Variants in CDK20 observed in about 807,000 individuals in gnomAD.
CDK20 encodes cyclin dependent kinase 20.
A neutral mutation model predicts 38.6 loss-of-function variants in CDK20; 40 were observed. The ratio of observed to expected loss-of-function variants is 1.04; its 90% CI spans 0.81 to 1.35. The LOEUF (loss-of-function observed/expected upper bound fraction) is 1.35, where lower values mean the gene tolerates loss of function less well. Ranked by LOEUF, CDK20 falls within the 40% of genes most tolerant of loss-of-function variation. CDK20 has a pLI of 0.00. For missense variants in CDK20, 512 were observed against 452.6 expected (o/e 1.13, Z -1.19); for synonymous variants, 209 against 185.7 (o/e 1.13, Z -1.02).
rs1416947232 is a variant in CDK20 at position 87,971,310 on chromosome 9, G to A, written c.215C>T (p.Pro72Leu). 2 of 1,613,392 alleles carry A rather than the reference G, an allele frequency of 1.2e-6. No homozygotes were observed. The highest frequency in any genetic ancestry group is 1.7e-6 in the Non-Finnish European group (2 of 1,179,744). Residue 72 changes from proline to leucine, a missense_variant, in exon 3 of 8, where the codon CCA becomes CTA. Pro to Leu is a moderately conservative substitution (Grantham distance 98, BLOSUM62 -3). Coordinates refer to ENST00000325303, the MANE Select transcript of CDK20 (RefSeq NM_001039803.3). ...GGCCAGCACAAAGCCTCCACCGTGT[G>A]GGAACACAGCCTTCAGTTGTACCAC... ...QYVVQLKAVF[P>L]HGGGFVLAFE... is the part of the protein sequence containing the mutation.
chr9:87,973,433 T>A (rs1402129926), intron 2 of CDK20, among the ~76,000 whole-genome samples: 12 of 133,440 alleles, frequency 9.0e-5, no homozygotes, highest in Non-Finnish European at 1.7e-4. Flanking sequence ...AAGAATGGAC[T>A]CTCAATCAAA....
chr9:87,973,876 C>G (rs1457168681), intron 2 of CDK20, 46 bp downstream of exon 2: 3 of 1,580,152 alleles, frequency 1.9e-6, no homozygotes, highest in Non-Finnish European at 2.6e-6. Flanking sequence ...GAAGTGGGAA[C>G]GAGCGACTGA....
In CDK20 at chr9:87,970,850, C is replaced by A. The variant is rs563239873; in HGVS notation, c.426G>T (p.Lys142Asn). ...NLLISASGQL[K>N]IADFGLARVF... is the part of the protein sequence containing the mutation. ...CTCGAGCCAGGCCAAAGTCCGCTAT[C>A]TTGAGCTGGCCTGAGGCGCTGATGA... The change falls in exon 4 of 8, where the codon AAG (lysine) becomes AAT (asparagine). Residue 142 changes from lysine (K) to asparagine (N), a missense_variant. By Grantham distance (94) the Lys-to-Asn change is moderately conservative (BLOSUM62 0). Coordinates refer to ENST00000325303, the MANE Select transcript of CDK20 (RefSeq NM_001039803.3). 28 of 1,614,104 alleles carry A rather than the reference C, an allele frequency of 1.7e-5. No individual in the cohort carries two copies. The highest frequency in any genetic ancestry group is 2.1e-5 in the Non-Finnish European group (25 of 1,180,044).
At chr9:87,971,388 T>C in intron 2 of CDK20, 53 bp from the exon 3 acceptor site, 1 of 1,523,326 alleles carries the variant, frequency 6.6e-7, no homozygotes, top group Non-Finnish European at 8.9e-7. Flanking sequence ...AGACCCTCTC[T>C]GTGACCCTGA....
In CDK20 at chr9:87,967,309, G is replaced by A. The variant is rs3750492; in HGVS notation, c.*153C>T. 21,263 of 788,320 alleles carry A rather than the reference G, an allele frequency of 0.027. 1,948 individuals are homozygous for A. Among genetic ancestry groups the A allele is most frequent in the East Asian group, 0.23 (8,447 of 37,500 alleles). 48.8% of individuals were successfully genotyped at this position (788,320 alleles called of 1,614,324 possible). A position where few individuals can be genotyped will look rare whatever the true frequency, so the allele number is the denominator to read the frequency against. On this transcript the variant is annotated 3_prime_UTR_variant, in exon 8 of 8. Coordinates refer to ENST00000325303, the MANE Select transcript of CDK20 (RefSeq NM_001039803.3). ...TGGCTGGGAACATGACCTCTGCCTCGAGACCAACCCTCGCAAGGGCTAAGG... is the reference window on the plus strand; with the variant it reads ...TGGCTGGGAACATGACCTCTGCCTCAAGACCAACCCTCGCAAGGGCTAAGG...
intron 2 of CDK20, among the ~76,000 whole-genome samples, chr9:87,973,126 A>G (rs1038422124): frequency 1.3e-5 from 2 of 152,202 alleles, no homozygotes; most frequent in African/African-American, 4.8e-5. Flanking sequence ...TATCATGCAT[A>G]TCTCCAGATC....
chr9:87,974,216 C>T (rs1830070727), intron 1 of CDK20, 156 bp downstream of exon 1: 1 of 1,240,436 alleles, frequency 8.1e-7, no homozygotes, highest in South Asian at 1.4e-5. Context: ...GCCAGCTGTG[C>T]GGAGGGAAGC....
intron 1 of CDK20, 47 bp from the exon 2 acceptor site, chr9:87,974,082 A>G: frequency 1.2e-6 from 2 of 1,612,394 alleles, no homozygotes; most frequent in Non-Finnish European, 1.7e-6. Flanking sequence ...CGGCTGGGAA[A>G]GAGAGATGAA....
chr9:87,967,471 C>T lies in CDK20; in HGVS notation c.1032G>A (p.Leu344=). 1.9e-6 allele frequency: 3 copies of T among 1,554,298 alleles called. No homozygotes were observed. Among genetic ancestry groups the T allele is most frequent in the Non-Finnish European group, 2.6e-6 (3 of 1,148,582 alleles). ...GACCAGGGCCAACTTCTCACCCCTC[C>T]AGGATGAAGGGCCGAATCAGCTCTG... ...LNPELIRPFI[L]EG Residue 344 remains leucine (L), a synonymous_variant, in exon 8 of 8, where the codon CTG becomes CTA. Coordinates refer to ENST00000325303, the MANE Select transcript of CDK20 (RefSeq NM_001039803.3).
At chr9:87,974,263 T>A in intron 1 of CDK20, 109 bp downstream of exon 1, 1 of 1,301,166 alleles carries the variant, frequency 7.7e-7, no homozygotes. Context: ...ATGAGTAGGT[T>A]TTAAAAACTG....
At chr9:87,969,413 C>T (rs1219429437) in intron 6 of CDK20, 64 bp from the exon 7 acceptor site, 11 of 1,548,474 alleles carry the variant, frequency 7.1e-6, no homozygotes, top group Non-Finnish European at 9.7e-6. Flanking sequence ...ATGCTCTCTG[C>T]TGTCAACTCT....
rs748890170 is a variant in CDK20, at chr9:87,973,954, T to C, written c.157A>G (p.Lys53Glu). The change falls in exon 2 of 8, where the codon AAG becomes GAG. Residue 53 changes from lysine to glutamate, a missense_variant. Lys to Glu is a moderately conservative substitution (Grantham distance 56). Transcript: ENST00000325303. ...GFPNQALREI[K>E]ALQEMEDNQY... ...TTGTCCTCCATCTCCTGCAGAGCCTTAATCTCCCGCAGGGCCTGGTTAGGG... is the reference window on the plus strand; with the variant it reads ...TTGTCCTCCATCTCCTGCAGAGCCTCAATCTCCCGCAGGGCCTGGTTAGGG... 2 of 1,613,992 alleles carry C rather than the reference T, an allele frequency of 1.2e-6. No individual in the cohort carries two copies. The highest frequency in any genetic ancestry group is 8.5e-7 in the Non-Finnish European group (1 of 1,179,992).
chr9:87,970,492 A>G (rs1488396756), intron 5 of CDK20, 76 bp downstream of exon 5: 1 of 1,379,636 alleles, frequency 7.2e-7, no homozygotes, highest in Non-Finnish European at 1.0e-6. Flanking sequence ...AAAGACCACC[A>G]AACAGCTCAG....
At chr9:87,970,175 A>G (rs1488283957) in intron 5 of CDK20, 1 of 453,284 alleles carries the variant, frequency 2.2e-6, no homozygotes, top group Non-Finnish European at 3.9e-6. Context: ...CCTGCCCCAA[A>G]TCTCAGACCC....
In CDK20 at chr9:87,974,052, A is replaced by C; in HGVS notation, c.76-17T>G. On this transcript the variant is annotated splice_polypyrimidine_tract_variant and intron_variant, in intron 1 of 7. Transcript: ENST00000325303. ...CTCGCCAGTCTGCAGGATAGAAGGC[A>C]GACACTGCCAGCCCACCCTCGGCTG... is the stretch of plus-strand genomic sequence containing the variant. 6.2e-7 allele frequency: 1 copy of C among 1,613,966 alleles called. No homozygotes were observed. Among genetic ancestry groups the C allele is most frequent in the Non-Finnish European group, 8.5e-7 (1 of 1,180,028 alleles).
chr9:87,974,191 G>A, intron 1 of CDK20, 156 bp from the exon 2 acceptor site: 2 of 1,366,190 alleles, frequency 1.5e-6, no homozygotes, highest in Non-Finnish European at 2.0e-6. Flanking sequence ...CCCAGCCGCT[G>A]GGGTAGGGGA....
chr9:87,971,382 C>T (rs201362348), intron 2 of CDK20, 47 bp from the exon 3 acceptor site: 395 of 1,546,146 alleles, frequency 2.6e-4, no homozygotes, highest in Non-Finnish European at 3.3e-4. Flanking sequence ...GTCACCAGAC[C>T]CTCTCTGTGA....
chr9:87,974,136 G>A (rs1243065679), intron 1 of CDK20, 101 bp from the exon 2 acceptor site: 40 of 1,579,390 alleles, frequency 2.5e-5, no homozygotes, highest in Admixed American at 5.1e-5. Flanking sequence ...ACGCGCCCCC[G>A]GCTCGGCCAG....
In CDK20 at chr9:87,969,863, T is replaced by C. The variant is rs531734804; in HGVS notation, c.620A>G (p.Lys207Arg). ...LLNGSPLFPG[K>R]NDIEQLCYVL... ...ATAGCAAAGCTGTTCAATATCGTTCTTGCCCGGGAAAAGGGGGGACCCATT... is the reference window on the plus strand; with the variant it reads ...ATAGCAAAGCTGTTCAATATCGTTCCTGCCCGGGAAAAGGGGGGACCCATT... Residue 207 changes from lysine (K) to arginine (R), a missense_variant, in exon 6 of 8, where the codon AAG becomes AGG. Transcript: ENST00000325303. 24 of 1,609,380 alleles carry C rather than the reference T, an allele frequency of 1.5e-5. No individual in the cohort carries two copies. In the African/African-American group the frequency reaches 2.8e-4, roughly 19 times the overall value.
Sources: gnomAD v4.1 joint callset for allele counts (sites outside exome capture counted in the v4.1 genomes callset) on GRCh38, gnomAD v4.1.1 for gene constraint, MANE v1.5 for transcripts, NCBI Gene and HGNC (gene_info 2026-07-23, HGNC 2026-07-21) for gene names.